The following ZDHHC17 variants were observed in gnomAD, a reference collection of about 807,000 sequenced individuals.
The protein encoded by ZDHHC17 is zDHHC palmitoyltransferase 17.
ZDHHC17 carries 40 observed loss-of-function variants against 90.3 expected under a neutral mutation model. The ratio of observed to expected loss-of-function variants is 0.44; its 90% confidence interval spans 0.34 to 0.58. ZDHHC17 has a LOEUF of 0.58. Ranked by LOEUF, ZDHHC17 falls within the 20% of genes least tolerant of loss-of-function variation. The pLI, the probability that ZDHHC17 is intolerant of heterozygous loss-of-function variation, is 0.01. For missense variants in ZDHHC17, 614 were observed against 780.8 expected (o/e 0.79, Z 2.55); for synonymous variants, 235 against 252.4 (o/e 0.93, Z 0.65).
At chr12:76,788,789 C>T (rs11115401) in intron 1 of ZDHHC17, among the ~76,000 whole-genome samples, 1,680 of 148,228 alleles carry the variant, frequency 0.011, 11 homozygotes, top group Non-Finnish European at 0.017. Flanking sequence ...CTCTGCCTCC[C>T]GGGTTCAAGC....
chr12:76,775,950 T>C (rs1952554006), intron 1 of ZDHHC17, among the ~76,000 whole-genome samples: 1 of 152,136 alleles, frequency 6.6e-6, no homozygotes, highest in African/African-American at 2.4e-5. Flanking sequence ...GAAATTTTGC[T>C]TTCTCTTTGA....
chr12:76,766,836 A>T (rs1215847998), intron 1 of ZDHHC17, among the ~76,000 whole-genome samples: 2 of 152,060 alleles, frequency 1.3e-5, no homozygotes, highest in Non-Finnish European at 2.9e-5. Context: ...CCTGGGCAAC[A>T]TGGCAAAACT....
At chr12:76,848,544 C>G (rs1175809705) in intron 15 of ZDHHC17, among the ~76,000 whole-genome samples, 154 bp downstream of exon 15, 1 of 152,058 alleles carries the variant, frequency 6.6e-6, no homozygotes, top group Non-Finnish European at 1.5e-5. Context: ...ACTCTTTTGC[C>G]CCTTCCTCTT....
chr12:76,802,843 T>C (rs1402116245), intron 2 of ZDHHC17, among the ~76,000 whole-genome samples: 1 of 152,262 alleles, frequency 6.6e-6, no homozygotes, highest in Non-Finnish European at 1.5e-5. Context: ...TTACATTGAT[T>C]TGAGTTTTCC....
At chr12:76,845,852 G>A in intron 13 of ZDHHC17, 50 bp downstream of exon 13, 2 of 1,016,546 alleles carry the variant, frequency 2.0e-6, no homozygotes, top group Non-Finnish European at 3.0e-6. Flanking sequence ...AGTTACTTTA[G>A]GTAATGAATA....
intron 2 of ZDHHC17, among the ~76,000 whole-genome samples, chr12:76,798,563 A>G (rs1288507017): frequency 6.6e-6 from 1 of 152,132 alleles, no homozygotes; most frequent in African/African-American, 2.4e-5. Flanking sequence ...AAGAAAAAAA[A>G]AAAAAGTAGG....
chr12:76,804,051 C>A (rs1952925190), intron 2 of ZDHHC17, among the ~76,000 whole-genome samples: 1 of 152,152 alleles, frequency 6.6e-6, no homozygotes, highest in Non-Finnish European at 1.5e-5. Context: ...ATAGGATCAT[C>A]ACAAAAGCTT....
At chr12:76,779,444 G>A (rs148340991) in intron 1 of ZDHHC17, among the ~76,000 whole-genome samples, 158 of 152,274 alleles carry the variant, frequency 1.0e-3, no homozygotes, top group African/African-American at 3.7e-3. Flanking sequence ...AGGCAAGAAA[G>A]TGTGTGCAGG....
chr12:76,764,631 G>A (rs934930897), intron 1 of ZDHHC17: 2 of 539,598 alleles, frequency 3.7e-6, no homozygotes, highest in Admixed American at 5.5e-5. Flanking sequence ...AGGCGGAGGG[G>A]CCTGGTGTGG....
intron 1 of ZDHHC17, among the ~76,000 whole-genome samples, chr12:76,768,333 G>T (rs1952454453): frequency 1.3e-5 from 2 of 152,188 alleles, no homozygotes; most frequent in South Asian, 4.1e-4. Flanking sequence ...TTGCTTTTAA[G>T]ATAAAGTAGC....
At chr12:76,764,954 A>G (rs1027898829) in intron 1 of ZDHHC17, 1 of 430,762 alleles carries the variant, frequency 2.3e-6, no homozygotes, top group South Asian at 1.7e-5. Flanking sequence ...CCGTTTTTCT[A>G]GGAGCTAGGG....
chr12:76,814,320 A>T (rs558018492), intron 5 of ZDHHC17, among the ~76,000 whole-genome samples: 113 of 151,938 alleles, frequency 7.4e-4, no homozygotes, highest in Non-Finnish European at 8.4e-4. Context: ...AAAATTGAGT[A>T]GAAGAGGAAA....
intron 13 of ZDHHC17, 98 bp from the exon 14 acceptor site, chr12:76,846,498 C>A: frequency 1.2e-6 from 1 of 824,446 alleles, no homozygotes; most frequent in Non-Finnish European, 1.9e-6. Flanking sequence ...TGATTATCAT[C>A]AAAACTGTAG....
chr12:76,818,638 T>C (rs981852256), intron 7 of ZDHHC17, among the ~76,000 whole-genome samples: 1 of 152,198 alleles, frequency 6.6e-6, no homozygotes, highest in Non-Finnish European at 1.5e-5. Flanking sequence ...AAAATTTTCC[T>C]TGTAGAGGAA....
chr12:76,842,365 T>C (rs1953445724), intron 11 of ZDHHC17, among the ~76,000 whole-genome samples: 6 of 152,192 alleles, frequency 3.9e-5, no homozygotes, highest in Admixed American at 3.9e-4. Context: ...GTGAATACGG[T>C]GTCTTAAACA....
chr12:76,773,989 C>T lies in ZDHHC17; in HGVS notation c.93+9660C>T, dbSNP rs1370878186. Among the ~76,000 whole-genome samples the T allele has an allele frequency of 2.6e-5, 4 of 152,200 alleles. No homozygotes were observed. In the East Asian group the frequency reaches 7.7e-4, roughly 29 times the overall value. On this transcript the variant is annotated intron_variant, in intron 1 of 16. Coordinates refer to ENST00000426126, the MANE Select transcript of ZDHHC17 (RefSeq NM_015336.4). The stretch of plus-strand genomic sequence containing the variant: ...TCTGGCTGAGTGCGGTGGCTTGTGC[C>T]TGTAAATCCCAGCACTTTGGGAGGC...
At chr12:76,797,227 C>T (rs1952830535) in intron 1 of ZDHHC17, among the ~76,000 whole-genome samples, 1 of 151,972 alleles carries the variant, frequency 6.6e-6, no homozygotes, top group South Asian at 2.1e-4. Flanking sequence ...CGCGTCACTG[C>T]ACTCCAGCCT....
chr12:76,842,232 TTATG>T (rs1565806956), intron 11 of ZDHHC17, 126 bp downstream of exon 11: 21 of 1,030,234 alleles, frequency 2.0e-5, no homozygotes, highest in Non-Finnish European at 2.7e-5. Flanking sequence ...TAAATTGAGA[TTATG>T]TATCTTTTAT....
At chr12:76,800,466 T>C (rs879504274) in intron 2 of ZDHHC17, among the ~76,000 whole-genome samples, 4 of 152,194 alleles carry the variant, frequency 2.6e-5, no homozygotes, top group Non-Finnish European at 5.9e-5. Flanking sequence ...ACTGTAGAAC[T>C]ATCTGTTTCT....
Sources: allele counts gnomAD v4.1 joint callset (sites outside exome capture counted in the v4.1 genomes callset), GRCh38; gene constraint gnomAD v4.1.1; transcripts MANE v1.5; gene names NCBI Gene and HGNC (gene_info 2026-07-23, HGNC 2026-07-21).